PDXK: variants seen among roughly 807,000 people sequenced by gnomAD.
PDXK encodes the protein epididymis secretory sperm binding protein Li 1a.
A neutral mutation model predicts 43.2 loss-of-function variants in PDXK; 15 were observed. The observed-to-expected ratio is 0.35, with a 90% CI of 0.23 to 0.53. The LOEUF is 0.53. Among genes scored for constraint, PDXK ranks in the 20% least tolerant of loss-of-function variants. PDXK has a pLI of 0.92. For missense variants in PDXK, 343 were observed against 417.0 expected, an observed-to-expected ratio of 0.82 and a Z score of 1.54; for synonymous variants, 172 against 165.4, an observed-to-expected ratio of 1.04 and a Z score of -0.31.
At chr21:43,719,573 A>G (rs990343319) in intron 1 of PDXK, 192 bp downstream of exon 1, 140 of 979,860 alleles carry the variant, frequency 1.4e-4, no homozygotes, top group Admixed American at 1.2e-4. Context: ...CGGAGGGCTG[A>G]GCGCTCTGCG....
intron 7 of PDXK, among the ~76,000 whole-genome samples, 182 bp from the exon 8 acceptor site, chr21:43,752,336 C>T (rs1032948323): frequency 6.6e-6 from 1 of 152,206 alleles, no homozygotes; most frequent in African/African-American, 2.4e-5. Context: ...GGTGGCTGAC[C>T]AGGTGGCTGT....
Position 43,735,861 on chromosome 21 carries a change from A to T in PDXK, c.142+1738A>T, listed in dbSNP as rs890362346. Among the ~76,000 whole-genome samples the T allele has an allele frequency of 1.1e-4, 16 of 152,046 alleles. No homozygotes were observed. The highest frequency in any genetic ancestry group is 1.9e-4 in the Non-Finnish European group (13 of 67,964). ...GAGGGCAGGTGTCACTCTCCCCTGCACCGGGGCCCTTCTGCCTGCTCCCCT... is the reference window on the plus strand; with the variant it reads ...GAGGGCAGGTGTCACTCTCCCCTGCTCCGGGGCCCTTCTGCCTGCTCCCCT... On this transcript the variant is annotated intron_variant, in intron 2 of 10. Transcript: ENST00000291565. The surrounding 1 kb of genome is among the most constrained non-coding windows in gnomAD (Gnocchi z 5.3).
chr21:43,736,142 C>A (rs2083397572), intron 2 of PDXK, among the ~76,000 whole-genome samples: 1 of 151,504 alleles, frequency 6.6e-6, no homozygotes, highest in South Asian at 2.1e-4. Flanking sequence ...CCTTTTTGTT[C>A]CCCCTACCCT....
chr21:43,756,110 G>A lies in PDXK; in HGVS notation c.*47G>A. On this transcript the variant is annotated 3_prime_UTR_variant, in exon 11 of 11. Transcript: ENST00000291565. Reference sequence around the variant, plus strand: ...ACACGCAGCGCGTTGGTGTCTCCGTGTTTGTCCCTGTGAAAACATGTAACG... The same window carrying A: ...ACACGCAGCGCGTTGGTGTCTCCGTATTTGTCCCTGTGAAAACATGTAACG... 1 of 1,096,186 alleles carries A rather than the reference G, an allele frequency of 9.1e-7. No homozygotes were observed. Among genetic ancestry groups the A allele is most frequent in the South Asian group, 1.3e-5 (1 of 76,076 alleles). The allele number at this position is 1,096,186 out of a possible 1,614,324, so 67.9% of individuals were successfully genotyped here.
chr21:43,755,493 A>G, intron 9 of PDXK: 2 of 589,530 alleles, frequency 3.4e-6, no homozygotes, highest in Non-Finnish European at 6.1e-6. Context: ...GGGACCGGGC[A>G]TCTGCTCAGC....
Position 43,756,787 on chromosome 21 carries a change from C to G in PDXK, c.*724C>G, listed in dbSNP as rs1799834775. On this transcript the variant is annotated 3_prime_UTR_variant, in exon 11 of 11. Coordinates refer to ENST00000291565, the MANE Select transcript of PDXK (RefSeq NM_003681.5). The stretch of plus-strand genomic sequence containing the variant: ...TAACCCATCGGCATCTTCCAGGAAT[C>G]CGCCGAGTGACTTGAGGAAGATGCT... 6.6e-6 allele frequency: 1 copy of G among 152,250 alleles called. No individual in the cohort carries two copies. The highest frequency in any genetic ancestry group is 1.5e-5 in the Non-Finnish European group (1 of 68,078). 9.4% of individuals were successfully genotyped at this position (152,250 alleles called of 1,614,324 possible).
intron 1 of PDXK, among the ~76,000 whole-genome samples, chr21:43,731,113 G>T (rs1365589713): frequency 1.3e-5 from 2 of 152,140 alleles, no homozygotes; most frequent in Admixed American, 1.3e-4. Context: ...TGCGATCACA[G>T]GTGTGAGCCA....
chr21:43,737,644 G>C lies in PDXK; in HGVS notation c.142+3521G>C, dbSNP rs2083427257. The stretch of plus-strand genomic sequence containing the variant: ...AAGGGGCAGCTGGTGTGAACACAAG[G>C]AGCTGCGGGGCTGGAGAAGGCCAGG... On this transcript the variant is annotated intron_variant, in intron 2 of 10. Coordinates refer to ENST00000291565, the MANE Select transcript of PDXK (RefSeq NM_003681.5). The surrounding 1 kb of genome is among the most constrained non-coding windows in gnomAD (Gnocchi z 4.8). The C allele has an allele frequency of 1.0e-6, 1 of 985,936 alleles. No homozygotes were observed. The highest frequency in any genetic ancestry group is 1.2e-6 in the Non-Finnish European group (1 of 831,004). The allele number at this position is 985,936 out of a possible 1,614,324, so 61.1% of individuals were successfully genotyped here.
At chr21:43,729,441 A>G (rs2083290093) in intron 1 of PDXK, among the ~76,000 whole-genome samples, 1 of 152,228 alleles carries the variant, frequency 6.6e-6, no homozygotes, top group African/African-American at 2.4e-5. Context: ...TACAGGATTC[A>G]GAAGGTGCCC....
At chr21:43,738,851 T>C (rs2083446878) in intron 2 of PDXK, 1 of 152,326 alleles carries the variant, frequency 6.6e-6, no homozygotes, top group Admixed American at 6.5e-5. Context: ...ATAAATAGCG[T>C]GGAGACCAGA....
At chr21:43,748,850 T>C (rs561650513) in intron 5 of PDXK, 145 bp from the exon 6 acceptor site, 7 of 623,114 alleles carry the variant, frequency 1.1e-5, no homozygotes, top group African/African-American at 9.2e-5. Context: ...GAACAACTTA[T>C]CGCTACAGTC....
chr21:43,744,333 A>C (rs2083599830), intron 4 of PDXK: 2 of 160,350 alleles, frequency 1.2e-5, no homozygotes, highest in Non-Finnish European at 2.8e-5. Context: ...TGCTGGATCC[A>C]TCTTGACGCC....
At chr21:43,719,704 G>GGGGC (rs2083190733) in intron 1 of PDXK, 17 of 985,348 alleles carry the variant, frequency 1.7e-5, no homozygotes, top group Admixed American at 6.1e-5. Context: ...AACTGCCGCG[G>GGGGC]GGGCGGGCGG....
chr21:43,739,851 A>G (rs941822868), intron 2 of PDXK, among the ~76,000 whole-genome samples: 1 of 151,798 alleles, frequency 6.6e-6, no homozygotes, highest in East Asian at 1.9e-4. Context: ...CCGAGGGCAG[A>G]AAGGACCAGG....
Position 43,751,103 on chromosome 21 carries a change from G to C in PDXK, c.510+558G>C, listed in dbSNP as rs181074437. Among the ~76,000 whole-genome samples, 274 of 152,372 alleles carry C rather than the reference G, an allele frequency of 1.8e-3. 3 individuals carry two copies. Among genetic ancestry groups the C allele is most frequent in the African/African-American group, 6.3e-3 (262 of 41,588 alleles). On this transcript the variant is annotated intron_variant, in intron 7 of 10. Transcript: ENST00000291565. ...AGGCTGGAGGCTGGACACAGGAGCA[G>C]ATGCAGCAGCCCAAGGTGCAGTTTC...
chr21:43,752,055 G>A (rs913749193), intron 7 of PDXK, among the ~76,000 whole-genome samples: 1 of 152,248 alleles, frequency 6.6e-6, no homozygotes, highest in Non-Finnish European at 1.5e-5. Flanking sequence ...CCCTGGAGCA[G>A]GGTCCAGATT....
intron 1 of PDXK, chr21:43,728,602 T>G (rs570918678): frequency 2.0e-6 from 1 of 502,974 alleles, no homozygotes; most frequent in Non-Finnish European, 2.6e-6. Flanking sequence ...TCTGGCTGTC[T>G]GCCTGTCTGC....
intron 1 of PDXK, among the ~76,000 whole-genome samples, chr21:43,728,199 G>A (rs1244713607): frequency 6.6e-6 from 1 of 152,174 alleles, no homozygotes; most frequent in Admixed American, 6.5e-5. Context: ...AGTTCCCCCT[G>A]GGAGTTTGTA....
chr21:43,750,591 CGGT>C (rs1568990549), intron 7 of PDXK, 46 bp downstream of exon 7: 1 of 1,493,544 alleles, frequency 6.7e-7, no homozygotes, highest in South Asian at 1.2e-5. Context: ...GTGCCGCTCA[CGGT>C]GGGGACGGGA....
Sources: gnomAD v4.1 joint callset for allele counts (sites outside exome capture counted in the v4.1 genomes callset) on GRCh38, gnomAD v4.1.1 for gene constraint, Gnocchi (gnomAD v3.1) non-coding constraint, MANE v1.5 for transcripts, NCBI Gene and HGNC (gene_info 2026-07-23, HGNC 2026-07-21) for gene names.